ITGB3: variants seen among roughly 807,000 people sequenced by gnomAD.
ITGB3 encodes integrin beta-3.
In ITGB3, 48 loss-of-function variants were observed where a neutral mutation model predicts 85.8. The observed-to-expected ratio is 0.56, with a 90% confidence interval of 0.44 to 0.71. ITGB3 has a LOEUF of 0.71. ITGB3 is among the 30% of genes least tolerant of loss of function. The pLI is 0.00. For synonymous variants in ITGB3, 363 were observed against 395.6 expected, an observed-to-expected ratio of 0.92 and a Z score of 0.98; for missense variants, 861 against 1,019.1, an observed-to-expected ratio of 0.84 and a Z score of 2.11.
intron 1 of ITGB3, among the ~76,000 whole-genome samples, chr17:47,258,764 C>T (rs1054460700): frequency 6.6e-6 from 1 of 152,162 alleles, no homozygotes; most frequent in Non-Finnish European, 1.5e-5. Flanking sequence ...CTTTTGTAAT[C>T]GATACCCTAC....
At chr17:47,271,476 A>G (rs1411526805) in intron 1 of ITGB3, among the ~76,000 whole-genome samples, 9 of 152,252 alleles carry the variant, frequency 5.9e-5, no homozygotes. Context: ...TTGATCAGTC[A>G]AAGGAATGCT....
At chr17:47,281,566 C>T (rs2052008661) in intron 2 of ITGB3, among the ~76,000 whole-genome samples, 2 of 152,122 alleles carry the variant, frequency 1.3e-5, no homozygotes, top group African/African-American at 4.8e-5. Flanking sequence ...GTGGCGTGGT[C>T]CCCTTCAATA....
At chr17:47,283,873 CT>C (rs2065093232) in intron 3 of ITGB3, among the ~76,000 whole-genome samples, 1 of 152,162 alleles carries the variant, frequency 6.6e-6, no homozygotes, top group Non-Finnish European at 1.5e-5. Context: ...TAGCTTAGAG[CT>C]TTGTGTTGAG....
At chr17:47,284,330 G>C (rs2065094710) in intron 3 of ITGB3, 113 bp from the exon 4 acceptor site, 1 of 1,227,274 alleles carries the variant, frequency 8.1e-7, no homozygotes. Context: ...AAGGGACCAG[G>C]GCTTTCTGGT....
chr17:47,302,912 T>TAGAG, intron 13 of ITGB3, 72 bp downstream of exon 13: 1 of 1,555,252 alleles, frequency 6.4e-7, no homozygotes, highest in Middle Eastern at 1.9e-4. Context: ...CAGGAATCTC[T>TAGAG]ACTCATCGAA....
rs1016253517 is a variant in ITGB3, at chr17:47,311,786, A to T, written c.*1582A>T. ...GCCACCCCCAAATGCCCAAGAAAAA[A>T]AGAAAGACTTATCAACATTTGTTCC... On this transcript the variant is annotated 3_prime_UTR_variant, in exon 15 of 15. Transcript: ENST00000559488. 1 of 152,220 alleles carries T rather than the reference A, an allele frequency of 6.6e-6. No individual in the cohort carries two copies. The highest frequency in any genetic ancestry group is 2.4e-5 in the African/African-American group (1 of 41,454). The allele number at this position is 152,220 out of a possible 1,614,324, so 9.4% of individuals were successfully genotyped here. A position where few individuals can be genotyped will look rare whatever the true frequency, so the allele number is the denominator to read the frequency against.
At chr17:47,270,275 TC>T (rs2143056715) in intron 1 of ITGB3, among the ~76,000 whole-genome samples, 1 of 152,284 alleles carries the variant, frequency 6.6e-6, no homozygotes, top group African/African-American at 2.4e-5. Flanking sequence ...TGTGCTTCTG[TC>T]TCTTGTGAAT....
At chr17:47,308,693 G>A (rs1390570493) in intron 14 of ITGB3, among the ~76,000 whole-genome samples, 1 of 152,042 alleles carries the variant, frequency 6.6e-6, no homozygotes, top group African/African-American at 2.4e-5. Context: ...GTAGCGACGG[G>A]GTTTCACCAT....
intron 2 of ITGB3, among the ~76,000 whole-genome samples, chr17:47,282,086 C>T (rs1483205143): frequency 6.6e-6 from 1 of 152,042 alleles, no homozygotes; most frequent in Non-Finnish European, 1.5e-5. Context: ...GTAGCTGGGA[C>T]TACAGGTGCA....
Position 47,289,754 on chromosome 17 carries a change from A to G in ITGB3, c.1013A>G (p.Glu338Gly). 2 of 1,613,734 alleles carry G rather than the reference A, an allele frequency of 1.2e-6. No individual in the cohort carries two copies. Among genetic ancestry groups the G allele is most frequent in the Middle Eastern group, 3.3e-4 (2 of 6,062 alleles). ...ATCAATTTGATCTTTGCAGTGACTG[A>G]AAATGTAGTCAATCTCTATCAGGTG... The part of the protein sequence containing the change: ...KNINLIFAVT[E>G]NVVNLYQNYS... The change falls in exon 7 of 15, where the codon GAA (glutamate) becomes GGA (glycine). Residue 338 changes from glutamate to glycine, a missense_variant. Physicochemically the swap from Glu to Gly is moderately conservative, Grantham distance 98 (BLOSUM62 -2). Transcript: ENST00000559488.
At chr17:47,260,252 C>A (rs954231540) in intron 1 of ITGB3, among the ~76,000 whole-genome samples, 1 of 152,130 alleles carries the variant, frequency 6.6e-6, no homozygotes, top group Non-Finnish European at 1.5e-5. Context: ...GTGACTTTAC[C>A]TTTAGGCATC....
At position 47,310,226 on chromosome 17, in the gene ITGB3, T is replaced by C. The variant is rs1013241743; in HGVS notation, c.*22T>C. On this transcript the variant is annotated 3_prime_UTR_variant, in exon 15 of 15. Transcript: ENST00000559488. The stretch of plus-strand genomic sequence containing the variant: ...TTAATGATAAGCAGTCATCCTCAGA[T>C]CATTATCAGCCTGTGCCACGATTGC... The C allele has an allele frequency of 7.5e-6, 12 of 1,605,724 alleles. No individual in the cohort carries two copies. The African/African-American group carries it at 1.3e-4, about 18-fold the overall frequency.
intron 13 of ITGB3, among the ~76,000 whole-genome samples, chr17:47,303,277 C>CAA (rs1379660594): frequency 6.7e-6 from 1 of 148,660 alleles, no homozygotes; most frequent in Non-Finnish European, 1.5e-5. Flanking sequence ...ACAACAACAA[C>CAA]AAAAAAAAAC....
chr17:47,284,154 A>C (rs1377943495), intron 3 of ITGB3, among the ~76,000 whole-genome samples: 2 of 152,204 alleles, frequency 1.3e-5, no homozygotes, highest in African/African-American at 2.4e-5. Context: ...GAAGTGTAGT[A>C]ACTATCAAAA....
Position 47,307,646 on chromosome 17 carries a change from C to T in ITGB3, c.2301+9C>T, listed in dbSNP as rs3809863. ...GAGCAAAATGGGACACAGTAAGAGACGGGGCTGGGCGTTTTCTAAAGTCAT... is the reference window on the plus strand; with the variant it reads ...GAGCAAAATGGGACACAGTAAGAGATGGGGCTGGGCGTTTTCTAAAGTCAT... On this transcript the variant is annotated intron_variant, in intron 14 of 14. Coordinates refer to ENST00000559488, the MANE Select transcript of ITGB3 (RefSeq NM_000212.3). 745,350 of 1,612,228 alleles carry T rather than the reference C, an allele frequency of 0.46. 174,909 individuals carry two copies. Among genetic ancestry groups the T allele is most frequent in the Non-Finnish European group, 0.48 (565,549 of 1,178,674 alleles).
chr17:47,271,588 T>C (rs1204977762), intron 1 of ITGB3, among the ~76,000 whole-genome samples: 1 of 152,246 alleles, frequency 6.6e-6, no homozygotes, highest in Non-Finnish European at 1.5e-5. Context: ...AAATCATTGG[T>C]ATTGTTGTTG....
rs951459139 is a variant in ITGB3 at position 47,253,879 on chromosome 17, G to A, written c.18G>A (p.Arg6=). Residue 6 remains arginine, a synonymous_variant, in exon 1 of 15, where the codon CGG becomes CGA. Coordinates refer to ENST00000559488, the MANE Select transcript of ITGB3 (RefSeq NM_000212.3). MRARP[R]PRPLWATVLA... ...CGGACGAGATGCGAGCGCGGCCGCG[G>A]CCCCGGCCGCTCTGGGCGACTGTGC... 9.3e-5 allele frequency: 118 copies of A among 1,268,996 alleles called. No homozygotes were observed. Among genetic ancestry groups the A allele is most frequent in the Non-Finnish European group, 1.2e-4 (116 of 1,007,220 alleles). 78.6% of individuals were successfully genotyped at this position (1,268,996 alleles called of 1,614,324 possible).
intron 4 of ITGB3, among the ~76,000 whole-genome samples, chr17:47,285,234 G>C (rs546168588): frequency 6.6e-6 from 1 of 152,232 alleles, no homozygotes; most frequent in East Asian, 1.9e-4. Context: ...TTATTTAATC[G>C]GTGGAGACTG....
chr17:47,286,427 G>A lies in ITGB3; in HGVS notation c.777+5G>A. On this transcript the variant is annotated splice_donor_5th_base_variant and intron_variant, in intron 5 of 14. Coordinates refer to ENST00000559488, the MANE Select transcript of ITGB3 (RefSeq NM_000212.3). ...ATGCAGGCTACAGTCTGTGATGTGAGTTTGGAGGACTTGGAGTGCCAGGTG... is the reference window on the plus strand; with the variant it reads ...ATGCAGGCTACAGTCTGTGATGTGAATTTGGAGGACTTGGAGTGCCAGGTG... The A allele has an allele frequency of 6.2e-7, 1 of 1,614,078 alleles. No individual in the cohort carries two copies. The highest frequency in any genetic ancestry group is 8.5e-7 in the Non-Finnish European group (1 of 1,179,940).
Sources: gnomAD v4.1 joint callset for allele counts (sites outside exome capture counted in the v4.1 genomes callset) on GRCh38, gnomAD v4.1.1 for gene constraint, MANE v1.5 for transcripts, NCBI Gene and HGNC (gene_info 2026-07-23, HGNC 2026-07-21) for gene names.